PRIM2: variants seen among roughly 807,000 people sequenced by gnomAD.
The protein encoded by PRIM2 is DNA primase subunit 2.
In PRIM2, 39 loss-of-function variants were observed where a neutral mutation model predicts 67.3. The ratio of observed to expected loss-of-function variants is 0.58; its 90% confidence interval spans 0.45 to 0.76. The LOEUF (loss-of-function observed/expected upper bound fraction) is 0.76, where lower values mean the gene tolerates loss of function less well. Among genes scored for constraint, PRIM2 ranks in the 30% least tolerant of loss-of-function variants. The pLI, the probability that PRIM2 is intolerant of heterozygous loss-of-function variation, is 0.00. For synonymous variants in PRIM2, 143 were observed against 198.7 expected, an observed-to-expected ratio of 0.72 and a Z score of 2.36; for missense variants, 398 against 598.7, an observed-to-expected ratio of 0.66 and a Z score of 3.50.
chr6:57,638,660 G>GA (rs1777169062), intron 13 of PRIM2, among the ~76,000 whole-genome samples: 1 of 146,420 alleles, frequency 6.8e-6, no homozygotes, highest in South Asian at 2.2e-4. Flanking sequence ...GATCAAAAGA[G>GA]AGACGGGCAT....
the PRIM2 span, among the ~76,000 whole-genome samples, chr6:57,300,357 A>G: frequency 1.3e-5 from 2 of 152,170 alleles, no homozygotes; most frequent in Non-Finnish European, 2.9e-5. Flanking sequence ...GATCTAGAAT[A>G]GAATAAACAC....
chr6:57,338,902 A>G (rs1206351058), intron 5 of PRIM2, among the ~76,000 whole-genome samples: 1 of 152,068 alleles, frequency 6.6e-6, no homozygotes, highest in African/African-American at 2.4e-5. Flanking sequence ...TTAGGAAAAG[A>G]GGAAGTCAAA....
chr6:57,481,460 T>C (rs1237220458), intron 7 of PRIM2, among the ~76,000 whole-genome samples: 32 of 152,234 alleles, frequency 2.1e-4, no homozygotes, highest in Non-Finnish European at 4.4e-4. Context: ...TATAAATCAC[T>C]GCATAGTATT....
the PRIM2 span, among the ~76,000 whole-genome samples, chr6:57,282,099 A>G: frequency 6.6e-6 from 1 of 152,076 alleles, no homozygotes; most frequent in Non-Finnish European, 1.5e-5. Context: ...TCAACATCCA[A>G]TGTGACCTCG....
chr6:57,347,729 T>G (rs1768725158), intron 5 of PRIM2, among the ~76,000 whole-genome samples: 1 of 141,578 alleles, frequency 7.1e-6, no homozygotes, highest in Admixed American at 7.3e-5. Flanking sequence ...CAGGTGTGAG[T>G]CACTGTGACC....
At chr6:57,300,713 G>A in the PRIM2 span, among the ~76,000 whole-genome samples, 1 of 152,124 alleles carries the variant, frequency 6.6e-6, no homozygotes, top group Non-Finnish European at 1.5e-5. Context: ...GCGTAGTTCT[G>A]GTTTGGCCTT....
intron 8 of PRIM2, among the ~76,000 whole-genome samples, chr6:57,527,360 G>A (rs1348835608): frequency 6.6e-6 from 1 of 152,174 alleles, no homozygotes; most frequent in Admixed American, 6.5e-5. Flanking sequence ...CAGTCACTCA[G>A]GCTAGAAACT....
chr6:57,559,897 G>A (rs1186032837), intron 10 of PRIM2, among the ~76,000 whole-genome samples: 1 of 152,040 alleles, frequency 6.6e-6, no homozygotes, highest in African/African-American at 2.4e-5. Context: ...CTTTTTGCTG[G>A]TGGAGGGTCT....
intron 5 of PRIM2, among the ~76,000 whole-genome samples, chr6:57,334,508 A>C (rs756664785): frequency 1.3e-5 from 2 of 152,134 alleles, no homozygotes; most frequent in Non-Finnish European, 2.9e-5. Context: ...TTCTACAAAA[A>C]ATAAAAAATA....
chr6:57,619,114 C>T (rs1776806344), intron 12 of PRIM2, among the ~76,000 whole-genome samples: 1 of 152,190 alleles, frequency 6.6e-6, no homozygotes, highest in African/African-American at 2.4e-5. Context: ...CAGAAACCCC[C>T]AGTACTACCA....
chr6:57,527,680 C>T (rs1467401539), intron 8 of PRIM2, among the ~76,000 whole-genome samples: 3 of 152,212 alleles, frequency 2.0e-5, no homozygotes, highest in Non-Finnish European at 4.4e-5. Context: ...AGTCTTCTCA[C>T]CATCTGCCTT....
chr6:57,306,589 G>A, the PRIM2 span, among the ~76,000 whole-genome samples: 1 of 152,182 alleles, frequency 6.6e-6, no homozygotes, highest in Non-Finnish European at 1.5e-5. Context: ...GCACAGGAGT[G>A]TCAGGGGACC....
At chr6:57,410,051 G>T (rs1438705140) in intron 7 of PRIM2, among the ~76,000 whole-genome samples, 1 of 152,134 alleles carries the variant, frequency 6.6e-6, no homozygotes, top group Non-Finnish European at 1.5e-5. Flanking sequence ...CGGGCCAGTG[G>T]CTCACGCCTG....
chr6:57,563,565 G>T (rs1775680129), intron 10 of PRIM2, among the ~76,000 whole-genome samples: 2 of 152,182 alleles, frequency 1.3e-5, no homozygotes, highest in South Asian at 4.1e-4. Context: ...TTACTTAATG[G>T]CAGATTGTAC....
chr6:57,361,569 TC>T (rs1229897190), intron 5 of PRIM2, among the ~76,000 whole-genome samples: 7 of 147,716 alleles, frequency 4.7e-5, no homozygotes, highest in Non-Finnish European at 6.0e-5. Context: ...CTCAATCCCT[TC>T]CCCACCAAGG....
chr6:57,241,686 G>GTGT, the PRIM2 span, among the ~76,000 whole-genome samples: 2 of 43,072 alleles, frequency 4.6e-5, no homozygotes, highest in African/African-American at 1.4e-4. Context: ...GCAGAACTAT[G>GTGT]TATTTTTTTT....
chr6:57,444,345 G>A (rs886466104), intron 7 of PRIM2, among the ~76,000 whole-genome samples: 10 of 152,078 alleles, frequency 6.6e-5, no homozygotes, highest in African/African-American at 2.4e-4. Context: ...GAGGCGGGCG[G>A]ATCACTAGGT....
chr6:57,558,274 T>C (rs1463097693), intron 10 of PRIM2, among the ~76,000 whole-genome samples: 5 of 152,186 alleles, frequency 3.3e-5, no homozygotes, highest in African/African-American at 4.8e-5. Flanking sequence ...TCTTATTTAA[T>C]ATGACGTAGA....
At chr6:57,254,730 A>G in the PRIM2 span, among the ~76,000 whole-genome samples, 14 of 152,070 alleles carry the variant, frequency 9.2e-5, 1 homozygote, top group Admixed American at 2.0e-4. Context: ...TGGGGGTCTG[A>G]AGAAACTCCC....
Sources: allele counts gnomAD v4.1 joint callset (sites outside exome capture counted in the v4.1 genomes callset), GRCh38; gene constraint gnomAD v4.1.1; transcripts MANE v1.5; gene names NCBI Gene and HGNC (gene_info 2026-07-23, HGNC 2026-07-21).